The following DOCK1 variants were observed in gnomAD, a reference collection of about 807,000 sequenced individuals.
DOCK1 encodes the protein dedicator of cytokinesis 1.
A neutral mutation model predicts 262.7 loss-of-function variants in DOCK1; 138 were observed. The ratio of observed to expected loss-of-function variants is 0.53; its 90% CI spans 0.46 to 0.61. The LOEUF is 0.61. Ranked by LOEUF, DOCK1 falls within the 20% of genes least tolerant of loss-of-function variation. The probability of loss-of-function intolerance (pLI) is 0.00; values close to 1 mark genes in which losing one functional copy is unlikely to be tolerated. For synonymous variants in DOCK1, 866 were observed against 867.4 expected, an observed-to-expected ratio of 1.00 and a Z score of 0.03; for missense variants, 1,908 against 2,370.7, an observed-to-expected ratio of 0.80 and a Z score of 4.05.
At chr10:126,936,343 A>T (rs1000251294) in intron 1 of DOCK1, among the ~76,000 whole-genome samples, 1 of 152,286 alleles carries the variant, frequency 6.6e-6, no homozygotes, top group East Asian at 1.9e-4. Flanking sequence ...GTGGGCCATC[A>T]TGGTTTCTGC....
intron 27 of DOCK1, among the ~76,000 whole-genome samples, chr10:127,212,606 A>C (rs2058030268): frequency 6.6e-6 from 1 of 151,516 alleles, no homozygotes; most frequent in South Asian, 2.1e-4. Flanking sequence ...CTCTCCTTGT[A>C]GTGATTTCCC....
At chr10:127,430,552 C>T (rs2069210174) in intron 47 of DOCK1, among the ~76,000 whole-genome samples, 1 of 152,134 alleles carries the variant, frequency 6.6e-6, no homozygotes, top group Non-Finnish European at 1.5e-5. Context: ...GGCCAAGGTT[C>T]TAACATCACA....
intron 23 of DOCK1, among the ~76,000 whole-genome samples, chr10:127,074,593 A>G (rs1041059166): frequency 2.8e-4 from 42 of 152,200 alleles, no homozygotes; most frequent in African/African-American, 9.2e-4. Flanking sequence ...AGGTAGAAGA[A>G]AAAAGGGGCT....
chr10:126,968,471 C>T (rs2037845834), intron 1 of DOCK1, among the ~76,000 whole-genome samples: 1 of 152,104 alleles, frequency 6.6e-6, no homozygotes, highest in African/African-American at 2.4e-5. Flanking sequence ...GTGAAGTTTC[C>T]ATATCCATGT....
chr10:127,074,807 AT>A (rs1190204221), intron 23 of DOCK1, among the ~76,000 whole-genome samples: 19 of 152,276 alleles, frequency 1.2e-4, no homozygotes, highest in Non-Finnish European at 2.8e-4. Context: ...TTTTCATATA[AT>A]TCCAAGAAAT....
chr10:127,423,469 A>G (rs573028935), intron 46 of DOCK1, among the ~76,000 whole-genome samples: 71 of 152,258 alleles, frequency 4.7e-4, no homozygotes, highest in African/African-American at 1.7e-3. Flanking sequence ...CAGGGTGCAC[A>G]CTGTGTGGTG....
At chr10:126,992,760 A>G (rs7918261) in intron 6 of DOCK1, among the ~76,000 whole-genome samples, 30,891 of 146,040 alleles carry the variant, frequency 0.21, 3,612 homozygotes, top group East Asian at 0.5. Context: ...ACACACACAC[A>G]CACAGACAGA....
At position 127,418,608 on chromosome 10, in the gene DOCK1, A is replaced by G. The variant is rs939897047; in HGVS notation, c.4692+67A>G. ...CGGGGACAGACTGAAAATTCCCGAG[A>G]GTCCCCAAAGCCCAGAAACGCCCCT... On this transcript the variant is annotated intron_variant, in intron 45 of 51. Transcript: ENST00000623213. The G allele has an allele frequency of 7.3e-5, 112 of 1,527,108 alleles. No individual in the cohort carries two copies. In the African/African-American group the frequency reaches 1.4e-3, roughly 19 times the overall value. 94.6% of individuals were successfully genotyped at this position (1,527,108 alleles called of 1,614,324 possible). A position where few individuals can be genotyped will look rare whatever the true frequency, so the allele number is the denominator to read the frequency against.
At chr10:126,909,785 T>A (rs1015299074) in intron 1 of DOCK1, among the ~76,000 whole-genome samples, 3 of 152,268 alleles carry the variant, frequency 2.0e-5, no homozygotes, top group African/African-American at 7.2e-5. Context: ...ATATGCCAAG[T>A]ACTCAACGAA....
intron 1 of DOCK1, among the ~76,000 whole-genome samples, chr10:126,947,102 C>G (rs1297397662): frequency 6.6e-6 from 1 of 152,176 alleles, no homozygotes; most frequent in African/African-American, 2.4e-5. Flanking sequence ...TCAGTCTTTG[C>G]GTGCAGAAAT....
chr10:127,304,892 AAAC>A (rs893133106), intron 29 of DOCK1, among the ~76,000 whole-genome samples: 40 of 152,250 alleles, frequency 2.6e-4, no homozygotes, highest in Admixed American at 1.0e-3. Context: ...AAAAAAAACA[AAAC>A]AACAACAACA....
intron 5 of DOCK1, 118 bp downstream of exon 5, chr10:126,987,735 CAG>C (rs1177438799): frequency 4.2e-6 from 4 of 946,800 alleles, no homozygotes; most frequent in Non-Finnish European, 6.2e-6. Context: ...GCTTCCGAGA[CAG>C]AGTTTTACTC....
chr10:127,264,839 TTTA>T (rs1487141705), intron 29 of DOCK1, among the ~76,000 whole-genome samples: 8 of 152,090 alleles, frequency 5.3e-5, no homozygotes, highest in Non-Finnish European at 8.8e-5. Context: ...TTTTTGTGGG[TTTA>T]TTTTCTTGGA....
In DOCK1 at chr10:127,411,993, C is replaced by T. The variant is rs112043488; in HGVS notation, c.4428+1069C>T. Among the ~76,000 whole-genome samples, 275 of 151,970 alleles carry T rather than the reference C, an allele frequency of 1.8e-3. 1 individual carries two copies. Among genetic ancestry groups the T allele is most frequent in the African/African-American group, 6.0e-3 (249 of 41,448 alleles). ...GTTTATTTTTTTTGAGACAGAGCCT[C>T]GCTCTGTCGCCCAAGCTGGAATGCA... On this transcript the variant is annotated intron_variant, in intron 43 of 51. Coordinates refer to ENST00000623213, the MANE Select transcript of DOCK1 (RefSeq NM_001290223.2).
At chr10:127,033,762 G>T (rs1352996100) in intron 18 of DOCK1, among the ~76,000 whole-genome samples, 1 of 152,162 alleles carries the variant, frequency 6.6e-6, no homozygotes. Context: ...CATTGTAGTG[G>T]AGCGTGCACT....
chr10:126,930,632 GGTTGAAGGCCTTGCATGGGCAAGGCC>G (rs1167584654), intron 1 of DOCK1, among the ~76,000 whole-genome samples: 1 of 152,224 alleles, frequency 6.6e-6, no homozygotes, highest in Non-Finnish European at 1.5e-5. Context: ...CTGATTCTGT[GGTTGAAGGCCTTGCATGGGCAAGGCC>G]TGGCCTGGGG....
chr10:126,921,656 T>C (rs1354611578), intron 1 of DOCK1, among the ~76,000 whole-genome samples: 2 of 151,930 alleles, frequency 1.3e-5, no homozygotes, highest in Non-Finnish European at 2.9e-5. Flanking sequence ...CAGAGATTTG[T>C]TTGTTTGTTT....
chr10:127,156,137 T>C (rs2053020188), intron 27 of DOCK1, among the ~76,000 whole-genome samples: 1 of 152,204 alleles, frequency 6.6e-6, no homozygotes, highest in Non-Finnish European at 1.5e-5. Context: ...GCCCTAAACC[T>C]CAGGGGAAAT....
intron 1 of DOCK1, among the ~76,000 whole-genome samples, chr10:126,944,896 T>C (rs2035280034): frequency 6.6e-6 from 1 of 152,302 alleles, no homozygotes; most frequent in South Asian, 2.1e-4. Context: ...TGGAGTGCAG[T>C]GGCAGAGTCT....
Sources: allele counts gnomAD v4.1 joint callset (sites outside exome capture counted in the v4.1 genomes callset), GRCh38; gene constraint gnomAD v4.1.1; transcripts MANE v1.5; gene names NCBI Gene and HGNC (gene_info 2026-07-23, HGNC 2026-07-21).